CNTN5: variants seen among roughly 807,000 people sequenced by gnomAD.
CNTN5 encodes the protein contactin-5.
A neutral mutation model predicts 129.1 loss-of-function variants in CNTN5; 77 were observed. That is an observed-to-expected ratio of 0.60 (90% confidence interval 0.50 to 0.72). The LOEUF (loss-of-function observed/expected upper bound fraction) is 0.72, where lower values mean the gene tolerates loss of function less well. CNTN5 is among the 30% of genes least tolerant of loss of function. CNTN5 has a pLI of 0.00. For synonymous variants in CNTN5, 509 were observed against 465.6 expected (o/e 1.09, Z -1.20); for missense variants, 1,478 against 1,328.8 (o/e 1.11, Z -1.75).
chr11:100,193,660 G>T lies in CNTN5; in HGVS notation c.1881G>T (p.Arg627Ser). The T allele has an allele frequency of 1.2e-6, 2 of 1,608,210 alleles. No individual in the cohort carries two copies. The highest frequency in any genetic ancestry group is 1.7e-6 in the Non-Finnish European group (2 of 1,177,720). Residue 627 changes from arginine to serine, a missense_variant, in exon 15 of 25, where the codon AGG becomes AGT. Physicochemically the swap from Arg to Ser is moderately radical, Grantham distance 110. Coordinates refer to ENST00000524871, the MANE Select transcript of CNTN5 (RefSeq NM_014361.4). ...EEEGGHFESIRAQASSADLMI... is the reference protein window; with the variant it reads ...EEEGGHFESISAQASSADLMI... ...AGGGTGGACATTTTGAAAGCATCAG[G>T]GCCGTAAGTGAATACACTTTTATTC...
intron 13 of CNTN5, among the ~76,000 whole-genome samples, chr11:100,132,443 G>A (rs1167949673): frequency 6.6e-6 from 1 of 152,074 alleles, no homozygotes; most frequent in Non-Finnish European, 1.5e-5. Context: ...AGTAGTAACT[G>A]TAGTAATAGT....
intron 2 of CNTN5, among the ~76,000 whole-genome samples, chr11:99,348,102 C>T (rs755222362): frequency 6.6e-6 from 1 of 152,082 alleles, no homozygotes; most frequent in Admixed American, 6.5e-5. Context: ...TGCTACTAGC[C>T]TATCTTCTTA....
chr11:100,174,060 A>G (rs190251492), intron 13 of CNTN5, among the ~76,000 whole-genome samples: 1 of 152,250 alleles, frequency 6.6e-6, no homozygotes, highest in Non-Finnish European at 1.5e-5. Flanking sequence ...GAAAGTTATC[A>G]AAAAGCTATG....
chr11:99,914,084 A>C (rs1301052111), intron 6 of CNTN5, among the ~76,000 whole-genome samples: 2 of 152,210 alleles, frequency 1.3e-5, no homozygotes, highest in East Asian at 1.9e-4. Flanking sequence ...AAGAATTTGA[A>C]AAATTAGCTG....
chr11:100,248,783 C>A (rs1301193543), intron 16 of CNTN5, among the ~76,000 whole-genome samples: 1 of 152,128 alleles, frequency 6.6e-6, no homozygotes, highest in African/African-American at 2.4e-5. Flanking sequence ...AGAAGCACTC[C>A]TCATGAAGGA....
Position 100,311,240 on chromosome 11 carries a change from AT to A in CNTN5, c.2730+2774del, listed in dbSNP as rs373280598. Among the ~76,000 whole-genome samples, 333 of 151,978 alleles carry A rather than the reference AT, an allele frequency of 2.2e-3. 3 individuals are homozygous for A. The highest frequency in any genetic ancestry group is 7.5e-3 in the African/African-American group (310 of 41,512). On this transcript the variant is annotated intron_variant, in intron 21 of 24. Transcript: ENST00000524871. ...GAGGTGAGACAGAATTTGACAATAA[AT>A]TACATGTAGGCTATGAAAAAGATGA... is the stretch of plus-strand genomic sequence containing the variant.
At chr11:100,062,893 G>C (rs1943540609) in intron 10 of CNTN5, among the ~76,000 whole-genome samples, 5 of 152,168 alleles carry the variant, frequency 3.3e-5, no homozygotes, top group Admixed American at 3.3e-4. Flanking sequence ...CTGTACCCCA[G>C]TGGAGCAAAG....
chr11:99,907,045 A>G lies in CNTN5; in HGVS notation c.578-9009A>G, dbSNP rs569508370. ...TCTTTATTAATCTGGCTAGTGGTCT[A>G]TTTTGTTAATCTTTTCAAAAAAACA... On this transcript the variant is annotated intron_variant, in intron 6 of 24. Transcript: ENST00000524871. 1.6e-4 allele frequency among the ~76,000 whole-genome samples: 24 copies of G among 151,584 alleles called. No individual in the cohort carries two copies. In the Middle Eastern group the frequency reaches 0.01, roughly 64 times the overall value.
intron 3 of CNTN5, among the ~76,000 whole-genome samples, chr11:99,752,915 T>A (rs1334836977): frequency 1.3e-5 from 2 of 152,140 alleles, no homozygotes; most frequent in African/African-American, 2.4e-5. Flanking sequence ...CAAGTGATTA[T>A]CCAAGAAATG....
At chr11:99,850,787 G>A (rs189832209) in intron 6 of CNTN5, among the ~76,000 whole-genome samples, 9 of 152,064 alleles carry the variant, frequency 5.9e-5, no homozygotes, top group African/African-American at 2.2e-4. Context: ...AACATGTAAA[G>A]GAATCTAACA....
At chr11:100,353,160 GA>G (rs1222071001) in intron 24 of CNTN5, among the ~76,000 whole-genome samples, 1 of 151,372 alleles carries the variant, frequency 6.6e-6, no homozygotes, top group African/African-American at 2.4e-5. Context: ...TCTACTCCAA[GA>G]AAAAAATTGT....
intron 3 of CNTN5, among the ~76,000 whole-genome samples, chr11:99,692,962 C>T (rs1367891699): frequency 6.6e-6 from 1 of 152,054 alleles, no homozygotes; most frequent in Non-Finnish European, 1.5e-5. Flanking sequence ...GGAATCAAGA[C>T]AGCTTCACAG....
chr11:99,766,513 A>G (rs976331883), intron 3 of CNTN5, among the ~76,000 whole-genome samples: 3 of 152,050 alleles, frequency 2.0e-5, no homozygotes, highest in Admixed American at 6.6e-5. Flanking sequence ...AAATACTATT[A>G]TTTTATACTG....
chr11:99,181,618 T>G (rs543286264), intron 1 of CNTN5, among the ~76,000 whole-genome samples: 1 of 152,300 alleles, frequency 6.6e-6, no homozygotes, highest in South Asian at 2.1e-4. Flanking sequence ...AGGTACTGAT[T>G]ACTAGCAGAC....
chr11:100,297,835 GA>G, intron 19 of CNTN5, 140 bp downstream of exon 19: 1 of 627,310 alleles, frequency 1.6e-6, no homozygotes, highest in South Asian at 2.0e-5. Context: ...AACCACTGCT[GA>G]ATAAATGCCA....
intron 8 of CNTN5, among the ~76,000 whole-genome samples, chr11:99,962,026 G>A (rs559354423): frequency 6.6e-6 from 1 of 152,156 alleles, no homozygotes; most frequent in Non-Finnish European, 1.5e-5. Context: ...GCAATTCTAA[G>A]TTAATAGTTA....
chr11:99,754,740 G>A (rs997690968), intron 3 of CNTN5, among the ~76,000 whole-genome samples: 3 of 152,128 alleles, frequency 2.0e-5, no homozygotes, highest in Non-Finnish European at 2.9e-5. Flanking sequence ...ACTTGTTACA[G>A]TCTGTGAGCC....
At chr11:99,133,350 G>A (rs973021877) in intron 1 of CNTN5, among the ~76,000 whole-genome samples, 1 of 149,644 alleles carries the variant, frequency 6.7e-6, no homozygotes, top group Non-Finnish European at 1.5e-5. Context: ...CATGGGCAAA[G>A]ATTTTATGAT....
At chr11:100,308,499 A>T (rs1951405828) in intron 21 of CNTN5, 31 bp downstream of exon 21, 1 of 1,591,002 alleles carries the variant, frequency 6.3e-7, no homozygotes, top group South Asian at 1.1e-5. Context: ...AATAAGCCTT[A>T]TTGTTTCTTC....
Sources: allele counts gnomAD v4.1 joint callset (sites outside exome capture counted in the v4.1 genomes callset), GRCh38; gene constraint gnomAD v4.1.1; transcripts MANE v1.5; gene names NCBI Gene and HGNC (gene_info 2026-07-23, HGNC 2026-07-21).